KLHL29: variants seen among roughly 807,000 people sequenced by gnomAD.
The protein encoded by KLHL29 is kelch like family member 29, also known as kelch-like protein 29.
Under a neutral mutation model 80.4 loss-of-function variants are expected in KLHL29, and 21 were observed. The observed-to-expected ratio is 0.26, with a 90% confidence interval of 0.19 to 0.38. The LOEUF (loss-of-function observed/expected upper bound fraction) is 0.38, where lower values mean the gene tolerates loss of function less well. KLHL29 is among the 10% of genes least tolerant of loss of function. The pLI is 1.00. For missense variants in KLHL29, 867 were observed against 1,223.9 expected, an observed-to-expected ratio of 0.71 and a Z score of 4.35; for synonymous variants, 511 against 526.8, an observed-to-expected ratio of 0.97 and a Z score of 0.41.
At position 23,562,799 on chromosome 2, in the gene KLHL29, G is replaced by A. The variant is rs1184127878; in HGVS notation, c.285+318G>A. ...GTGGACCTCCAAGATGGCAATATGG[G>A]GTTCCTAAATAGATAAATTGAGACC... On this transcript the variant is annotated intron_variant, in intron 3 of 13. Coordinates refer to ENST00000486442, the MANE Select transcript of KLHL29 (RefSeq NM_052920.2). The surrounding 1 kb of genome is among the most constrained non-coding windows in gnomAD (Gnocchi z 4.5). Among the ~76,000 whole-genome samples, 1 of 152,164 alleles carries A rather than the reference G, an allele frequency of 6.6e-6. No homozygotes were observed. Among genetic ancestry groups the A allele is most frequent in the Non-Finnish European group, 1.5e-5 (1 of 68,034 alleles).
In KLHL29 at chr2:23,682,754, C is replaced by G. The variant is rs553745526; in HGVS notation, c.941-1645C>G. 6.6e-6 allele frequency among the ~76,000 whole-genome samples: 1 copy of G among 152,168 alleles called. No individual in the cohort carries two copies. The highest frequency in any genetic ancestry group is 2.4e-5 in the African/African-American group (1 of 41,446). ...TGGTCTCTGTCTGTAGCTCCCACCCCCCTTGCTCCGGGTCTGAGCTCACCC... is the reference window on the plus strand; with the variant it reads ...TGGTCTCTGTCTGTAGCTCCCACCCGCCTTGCTCCGGGTCTGAGCTCACCC... On this transcript the variant is annotated intron_variant, in intron 5 of 13. Transcript: ENST00000486442. The surrounding 1 kb of genome is among the most constrained non-coding windows in gnomAD (Gnocchi z 4.1).
At chr2:23,411,989 G>A (rs1666871165) in intron 1 of KLHL29, among the ~76,000 whole-genome samples, 1 of 152,144 alleles carries the variant, frequency 6.6e-6, no homozygotes, top group Non-Finnish European at 1.5e-5. Flanking sequence ...TGTAGCAAAG[G>A]TTGAGAAAAG....
chr2:23,675,121 C>T (rs950488368), intron 5 of KLHL29, among the ~76,000 whole-genome samples: 1 of 152,232 alleles, frequency 6.6e-6, no homozygotes, highest in East Asian at 1.9e-4. Context: ...TCTCTCGGCC[C>T]TGCCCGCACC....
At position 23,596,292 on chromosome 2, in the gene KLHL29, A is replaced by G. The variant is rs897799432; in HGVS notation, c.285+33811A>G. On this transcript the variant is annotated intron_variant, in intron 3 of 13. Transcript: ENST00000486442. The surrounding 1 kb of genome is among the most constrained non-coding windows in gnomAD (Gnocchi z 4.4). ...CAGATTAAAAATGTAGTGGATTTAA[A>G]TCATGCCCACCTCATTTTGCAAGGG... is the stretch of plus-strand genomic sequence containing the variant. Among the ~76,000 whole-genome samples, 2 of 152,156 alleles carry G rather than the reference A, an allele frequency of 1.3e-5. No homozygotes were observed. The highest frequency in any genetic ancestry group is 4.8e-5 in the African/African-American group (2 of 41,424).
At chr2:23,540,173 C>T (rs1198903569) in intron 2 of KLHL29, among the ~76,000 whole-genome samples, 1 of 152,206 alleles carries the variant, frequency 6.6e-6, no homozygotes, top group Non-Finnish European at 1.5e-5. Flanking sequence ...TGCAATCCCG[C>T]CCCCTGGTAC....
chr2:23,570,608 G>T lies in KLHL29; in HGVS notation c.285+8127G>T, dbSNP rs1451663829. Among the ~76,000 whole-genome samples, 4 of 152,292 alleles carry T rather than the reference G, an allele frequency of 2.6e-5. No individual in the cohort carries two copies. The East Asian group carries it at 7.7e-4, about 29-fold the overall frequency. On this transcript the variant is annotated intron_variant, in intron 3 of 13. Coordinates refer to ENST00000486442, the MANE Select transcript of KLHL29 (RefSeq NM_052920.2). The stretch of plus-strand genomic sequence containing the variant: ...TGCCAGCAGGTAGGGCTCTTGCCCG[G>T]CCCAGTTGGAGCTGTGGATGGATAA...
intron 2 of KLHL29, among the ~76,000 whole-genome samples, chr2:23,522,343 T>G (rs1468132471): frequency 1.3e-5 from 2 of 152,010 alleles, no homozygotes; most frequent in Non-Finnish European, 2.9e-5. Context: ...AGAGATGGGG[T>G]TCCACCATGT....
intron 1 of KLHL29, among the ~76,000 whole-genome samples, chr2:23,416,000 C>T (rs552587639): frequency 2.5e-4 from 38 of 152,074 alleles, no homozygotes; most frequent in Non-Finnish European, 4.7e-4. Context: ...GTTGAGGGGT[C>T]GACATTGATC....
chr2:23,446,717 G>C (rs140032388), intron 1 of KLHL29, among the ~76,000 whole-genome samples: 1 of 152,132 alleles, frequency 6.6e-6, no homozygotes. Context: ...ATTCTCTCAC[G>C]CCTGATTTTA....
rs1420366022 is a variant in KLHL29, at chr2:23,596,855, CCTT to C, written c.285+34378_285+34380del. Among the ~76,000 whole-genome samples the C allele has an allele frequency of 7.9e-5, 12 of 152,306 alleles. No individual in the cohort carries two copies. The highest frequency in any genetic ancestry group is 7.7e-4 in the East Asian group (4 of 5,190). ...CTTTACCCATTTTTCAGATTTTCCTCCTTCTTACTCATGGCACTCATGTAAGTG... is the reference window on the plus strand; with the variant it reads ...CTTTACCCATTTTTCAGATTTTCCTCCTTACTCATGGCACTCATGTAAGTG... On this transcript the variant is annotated intron_variant, in intron 3 of 13. Transcript: ENST00000486442. This position sits in a 1 kb window ranked among gnomAD's most constrained non-coding sequence, Gnocchi z 4.4.
intron 2 of KLHL29, among the ~76,000 whole-genome samples, chr2:23,555,409 C>T (rs1400901948): frequency 6.6e-6 from 1 of 152,174 alleles, no homozygotes; most frequent in African/African-American, 2.4e-5. Flanking sequence ...TAGTTAAGAC[C>T]CACCTGCCTC....
intron 1 of KLHL29, among the ~76,000 whole-genome samples, chr2:23,403,560 C>T (rs1666645496): frequency 1.3e-5 from 2 of 152,018 alleles, no homozygotes; most frequent in South Asian, 4.2e-4. Context: ...TAACTGTGCC[C>T]CCAAGTGGTC....
intron 1 of KLHL29, among the ~76,000 whole-genome samples, chr2:23,409,323 T>C (rs1226312687): frequency 6.6e-6 from 1 of 152,156 alleles, no homozygotes; most frequent in Non-Finnish European, 1.5e-5. Flanking sequence ...GATTAAGGCC[T>C]TCTATCAGTT....
At chr2:23,601,806 T>G (rs991172492) in intron 3 of KLHL29, among the ~76,000 whole-genome samples, 1 of 152,096 alleles carries the variant, frequency 6.6e-6, no homozygotes. Flanking sequence ...GACCCAGGGG[T>G]TTCCATCCCA....
intron 1 of KLHL29, among the ~76,000 whole-genome samples, chr2:23,404,001 T>G (rs1472992710): frequency 6.6e-6 from 1 of 152,114 alleles, no homozygotes; most frequent in Non-Finnish European, 1.5e-5. Context: ...GCAGCGGTGG[T>G]TCCATGATAG....
chr2:23,521,884 G>A (rs1378316621), intron 2 of KLHL29, among the ~76,000 whole-genome samples: 1 of 152,160 alleles, frequency 6.6e-6, no homozygotes, highest in Non-Finnish European at 1.5e-5. Context: ...GAGGTAGTTG[G>A]GACGTTTATC....
At chr2:23,465,528 C>T (rs1664325246) in intron 1 of KLHL29, among the ~76,000 whole-genome samples, 2 of 152,294 alleles carry the variant, frequency 1.3e-5, no homozygotes, top group Non-Finnish European at 2.9e-5. Flanking sequence ...GCACTCTGCA[C>T]GACTCTCAGA....
chr2:23,687,359 C>T (rs1327736809), intron 6 of KLHL29, among the ~76,000 whole-genome samples: 1 of 152,220 alleles, frequency 6.6e-6, no homozygotes, highest in Non-Finnish European at 1.5e-5. Context: ...GATGTGTCCA[C>T]CACTCCAGCC....
At chr2:23,586,451 C>T (rs1463028120) in intron 3 of KLHL29, among the ~76,000 whole-genome samples, 5 of 147,476 alleles carry the variant, frequency 3.4e-5, no homozygotes, top group African/African-American at 1.3e-4. Context: ...CCTCCATGTC[C>T]TGGGTTCAAG....
Sources: allele counts gnomAD v4.1 joint callset (sites outside exome capture counted in the v4.1 genomes callset), GRCh38; gene constraint gnomAD v4.1.1; non-coding constraint Gnocchi (gnomAD v3.1); transcripts MANE v1.5; gene names NCBI Gene and HGNC (gene_info 2026-07-23, HGNC 2026-07-21).